RGS3: variants seen among roughly 807,000 people sequenced by gnomAD.
RGS3 encodes the protein regulator of G-protein signalling 3.
Under a neutral mutation model 132.6 loss-of-function variants are expected in RGS3, and 80 were observed. The ratio of observed to expected loss-of-function variants is 0.60; its 90% confidence interval spans 0.50 to 0.73. The LOEUF (loss-of-function observed/expected upper bound fraction) is 0.73, where lower values mean the gene tolerates loss of function less well. Ranked by LOEUF, RGS3 falls within the 30% of genes least tolerant of loss-of-function variation. The pLI is 0.00. For missense variants in RGS3, 1,382 were observed against 1,530.8 expected, an observed-to-expected ratio of 0.90 and a Z score of 1.62; for synonymous variants, 598 against 620.6, an observed-to-expected ratio of 0.96 and a Z score of 0.54.
At chr9:113,483,569 C>T (rs576186668) in intron 5 of RGS3, among the ~76,000 whole-genome samples, 47 of 152,184 alleles carry the variant, frequency 3.1e-4, no homozygotes, top group Non-Finnish European at 6.6e-4. Flanking sequence ...AGGGGTGGGG[C>T]TCTACTTTCA....
In RGS3 at chr9:113,553,455, AAAAAATATATATAT is replaced by A. The variant is rs1427790401; in HGVS notation, c.2037+16539_2037+16552del. Among the ~76,000 whole-genome samples, 48 of 96,766 alleles carry A rather than the reference AAAAAATATATATAT, an allele frequency of 5.0e-4. 1 individual carries two copies. The highest frequency in any genetic ancestry group is 1.6e-3 in the African/African-American group (37 of 23,794). 63.5% of individuals were successfully genotyped at this position (96,766 alleles called of 152,430 possible). On this transcript the variant is annotated intron_variant, in intron 19 of 24. Coordinates refer to ENST00000350696, the Ensembl canonical transcript of RGS3. Reference sequence around the variant, plus strand: ...GAAACTCTGTTTAAAAAAAAAAAAAAAAAAATATATATATATATATATATATATATATATATGTA... The same window carrying A: ...GAAACTCTGTTTAAAAAAAAAAAAAAATATATATATATATATATATATGTA...
rs751206047 is a variant in RGS3 at position 113,507,435 on chromosome 9, C to T, written c.1234C>T (p.His412Tyr). The T allele has an allele frequency of 1.9e-6, 3 of 1,613,844 alleles. No homozygotes were observed. The East Asian group carries it at 6.7e-5, about 36-fold the overall frequency. Residue 412 changes from histidine (H) to tyrosine (Y), a missense_variant, in exon 13 of 25, where the codon CAT (histidine) becomes TAT (tyrosine). His to Tyr is a moderately conservative substitution (Grantham distance 83). Transcript: ENST00000350696. This position sits in a 1 kb window ranked among gnomAD's most constrained non-coding sequence, Gnocchi z 5.0. ...CAACAAACGGGAGAAGAACTGCACC[C>T]ATGGGGTCCAGGCACGGCCTGAGCA...
rs557562105 is a variant in RGS3, at chr9:113,553,838, C to A, written c.2037+16920C>A. On this transcript the variant is annotated intron_variant, in intron 19 of 24. Coordinates refer to ENST00000350696, the Ensembl canonical transcript of RGS3. ...AGCCTGGGCGACAAGAGAGAAACTC[C>A]GTCTCCAAAAAAAAGAAAGAAATAT... Among the ~76,000 whole-genome samples the A allele has an allele frequency of 4.6e-5, 7 of 151,966 alleles. No individual in the cohort carries two copies. The East Asian group carries it at 9.6e-4, about 21-fold the overall frequency.
rs1336425203 is a variant in RGS3, at chr9:113,483,057, A to T, written c.467-2A>T. On this transcript the variant is annotated splice_acceptor_variant, in intron 4 of 24. Coordinates refer to ENST00000350696, the Ensembl canonical transcript of RGS3. LOFTEE classifies it high-confidence loss of function. Reference sequence around the variant, plus strand: ...CACCCCAATGTCTGAATTCTCTTTTAGTTATAGAAGGTAAAGGCCTGATCA... The same window carrying T: ...CACCCCAATGTCTGAATTCTCTTTTTGTTATAGAAGGTAAAGGCCTGATCA... 2 of 1,613,958 alleles carry T rather than the reference A, an allele frequency of 1.2e-6. No individual in the cohort carries two copies. Among genetic ancestry groups the T allele is most frequent in the South Asian group, 1.1e-5 (1 of 91,076 alleles).
At chr9:113,496,337 T>G (rs972062778) in intron 8 of RGS3, among the ~76,000 whole-genome samples, 13 of 152,232 alleles carry the variant, frequency 8.5e-5, no homozygotes, top group African/African-American at 2.9e-4. Context: ...GACCCAAGAC[T>G]CCTAGCTCTG....
upstream of RGS3, among the ~76,000 whole-genome samples, chr9:113,460,056 A>AG (rs905194276): frequency 2.6e-5 from 4 of 151,092 alleles, no homozygotes; most frequent in Non-Finnish European, 5.9e-5. Flanking sequence ...AAAAAAAAAA[A>AG]TCACCTGTAT....
intron 20 of RGS3, among the ~76,000 whole-genome samples, chr9:113,584,654 A>C (rs1459482013): frequency 6.6e-6 from 1 of 152,234 alleles, no homozygotes; most frequent in East Asian, 1.9e-4. Context: ...CTGTGTTCTT[A>C]TAGCTCCACT....
rs947887438 is a variant in RGS3, at chr9:113,529,342, AC to A, written c.1914+80del. 29 of 1,217,510 alleles carry A rather than the reference AC, an allele frequency of 2.4e-5. No homozygotes were observed. The African/African-American group carries it at 4.2e-4, about 17-fold the overall frequency. The allele number at this position is 1,217,510 out of a possible 1,614,324, so 75.4% of individuals were successfully genotyped here. A position where few individuals can be genotyped will look rare whatever the true frequency, so the allele number is the denominator to read the frequency against. ...GGGGAGACACTGGGCTGGGATCTAG[AC>A]CAGTGTTCTGATGCCAGCCTCCATA... On this transcript the variant is annotated intron_variant, in intron 18 of 24. Coordinates refer to ENST00000350696, the Ensembl canonical transcript of RGS3.
chr9:113,581,995 A>G (rs1814071960), intron 19 of RGS3: 26 of 983,588 alleles, frequency 2.6e-5, no homozygotes, highest in Non-Finnish European at 3.0e-5. Flanking sequence ...GCAGGGCTCC[A>G]CTTTCACTTT....
chr9:113,485,773 G>GTTC, intron 7 of RGS3, 80 bp downstream of exon 5: 1 of 986,888 alleles, frequency 1.0e-6, no homozygotes, highest in South Asian at 1.4e-5. Flanking sequence ...TACACCAGGG[G>GTTC]TTCGATTAGT....
intron 19 of RGS3, among the ~76,000 whole-genome samples, chr9:113,559,170 T>C (rs1267101341): frequency 6.6e-6 from 1 of 152,198 alleles, no homozygotes; most frequent in Admixed American, 6.5e-5. Flanking sequence ...AGGCCTGGCC[T>C]CCCCGTAGCT....
Position 113,579,445 on chromosome 9 carries a change from G to C in RGS3, c.2038-4005G>C, listed in dbSNP as rs931817527. ...GTTCATTTCCTGTGTGCTTACAGCA[G>C]ATGAGACATGGGCAGAATTAACCTG... On this transcript the variant is annotated intron_variant, in intron 19 of 24. Coordinates refer to ENST00000350696, the Ensembl canonical transcript of RGS3. This position sits in a 1 kb window ranked among gnomAD's most constrained non-coding sequence, Gnocchi z 4.3. Among the ~76,000 whole-genome samples the C allele has an allele frequency of 1.3e-5, 2 of 152,204 alleles. No homozygotes were observed. Among genetic ancestry groups the C allele is most frequent in the African/African-American group, 4.8e-5 (2 of 41,458 alleles).
rs781216663 is a variant in RGS3, at chr9:113,594,563, G to A, written c.3182+32G>A. 9 of 1,579,338 alleles carry A rather than the reference G, an allele frequency of 5.7e-6. No individual in the cohort carries two copies. In the Admixed American group the frequency reaches 1.5e-4, roughly 26 times the overall value. ...CCTCCCTGGCACCCTGGGACCCTTT[G>A]GGGAACTCACTGGCTCCCCGGGGAG... On this transcript the variant is annotated intron_variant, in intron 22 of 24. Coordinates refer to ENST00000350696, the Ensembl canonical transcript of RGS3.
At chr9:113,559,146 G>T (rs1432330509) in intron 19 of RGS3, among the ~76,000 whole-genome samples, 2 of 152,254 alleles carry the variant, frequency 1.3e-5, no homozygotes, top group African/African-American at 2.4e-5. Flanking sequence ...ACTGTTTCCA[G>T]CAACCAAGGT....
At chr9:113,477,418 C>T (rs1268630340) in intron 3 of RGS3, among the ~76,000 whole-genome samples, 1 of 152,178 alleles carries the variant, frequency 6.6e-6, no homozygotes, top group African/African-American at 2.4e-5. Flanking sequence ...GAAGCTTAAC[C>T]ACCAGAAGTA....
intron 19 of RGS3, chr9:113,582,051 C>T (rs56052304): frequency 0.029 from 28,106 of 985,410 alleles, 464 homozygotes; most frequent in South Asian, 0.038. Context: ...CTTTCACATC[C>T]GCTCACATCT....
chr9:113,535,786 C>G (rs1483606922), intron 18 of RGS3, among the ~76,000 whole-genome samples: 1 of 152,158 alleles, frequency 6.6e-6, no homozygotes. Context: ...AATCGCAGCC[C>G]TTTGGGGTTA....
At chr9:113,499,192 A>T (rs542426509) in intron 10 of RGS3, among the ~76,000 whole-genome samples, 44 of 146,204 alleles carry the variant, frequency 3.0e-4, no homozygotes, top group African/African-American at 1.1e-3. Context: ...GTACCGCTGC[A>T]TTCCAGCCTA....
intron 23 of RGS3, chr9:113,595,386 C>T (rs1588310080): frequency 3.4e-6 from 2 of 581,148 alleles, no homozygotes; most frequent in East Asian, 5.6e-5. Context: ...GATGAAGACA[C>T]TGAGGCATAG....
Sources: allele counts gnomAD v4.1 joint callset (sites outside exome capture counted in the v4.1 genomes callset), GRCh38; gene constraint gnomAD v4.1.1; non-coding constraint Gnocchi (gnomAD v3.1); transcripts MANE v1.5; gene names NCBI Gene and HGNC (gene_info 2026-07-23, HGNC 2026-07-21).